Variants in ZNG1E observed in about 807,000 individuals in gnomAD.
The protein encoded by ZNG1E is Zn regulated GTPase metalloprotein activator 1E.
chr9:65,663,202 A>G, the ZNG1E span, among the ~76,000 whole-genome samples: 2 of 152,274 alleles, frequency 1.3e-5, no homozygotes, highest in African/African-American at 4.8e-5. Context: ...TCAACTGTTA[A>G]CTTTGCAGTT....
the ZNG1E span, chr9:65,691,127 G>T: frequency 4.0e-6 from 6 of 1,498,756 alleles, no homozygotes; most frequent in South Asian, 4.9e-5. Flanking sequence ...AGACTGGAGT[G>T]CATGGAGTGC....
At chr9:65,691,545 C>T in the ZNG1E span, among the ~76,000 whole-genome samples, 1 of 152,234 alleles carries the variant, frequency 6.6e-6, no homozygotes, top group Non-Finnish European at 1.5e-5. Context: ...CTCGATGTCA[C>T]TCAACTTCCA....
the ZNG1E span, among the ~76,000 whole-genome samples, chr9:65,675,119 C>A: frequency 1.3e-5 from 2 of 151,946 alleles, no homozygotes; most frequent in Non-Finnish European, 2.9e-5. Context: ...CAATCCAGAA[C>A]CAATTCATGA....
At chr9:65,722,703 T>G in the ZNG1E span, among the ~76,000 whole-genome samples, 163 of 130,262 alleles carry the variant, frequency 1.3e-3, no homozygotes, top group South Asian at 2.4e-3. Flanking sequence ...GCTAATTTTT[T>G]TTTTTTTTTT....
chr9:65,689,811 T>C, the ZNG1E span, among the ~76,000 whole-genome samples: 3 of 150,384 alleles, frequency 2.0e-5, no homozygotes, highest in Non-Finnish European at 3.0e-5. Flanking sequence ...CCCTCATTAA[T>C]TAAAATTATG....
the ZNG1E span, chr9:65,706,832 T>G: frequency 3.7e-4 from 55 of 147,836 alleles, no homozygotes; most frequent in East Asian, 2.2e-3. Flanking sequence ...ACTGTCATAG[T>G]GAAACAGTTT....
chr9:65,701,389 AACTTTAC>A, the ZNG1E span: 1 of 151,936 alleles, frequency 6.6e-6, no homozygotes, highest in East Asian at 1.9e-4. Flanking sequence ...AATGTCCTTA[AACTTTAC>A]TATAAAAAAA....
the ZNG1E span, among the ~76,000 whole-genome samples, chr9:65,665,095 A>G: frequency 6.6e-6 from 1 of 152,284 alleles, no homozygotes; most frequent in African/African-American, 2.4e-5. Flanking sequence ...CTAGAAAAGA[A>G]AATCCCATTT....
chr9:65,685,347 G>A, the ZNG1E span, among the ~76,000 whole-genome samples: 1 of 152,238 alleles, frequency 6.6e-6, no homozygotes, highest in Non-Finnish European at 1.5e-5. Flanking sequence ...CATAAAAGAT[G>A]TCTCTATAGC....
the ZNG1E span, among the ~76,000 whole-genome samples, chr9:65,659,030 G>A: frequency 6.6e-6 from 1 of 152,104 alleles, no homozygotes; most frequent in African/African-American, 2.4e-5. Flanking sequence ...GGAAAGTGGG[G>A]CAGGGGACAC....
chr9:65,677,837 A>G, the ZNG1E span, among the ~76,000 whole-genome samples: 1 of 151,876 alleles, frequency 6.6e-6, no homozygotes, highest in Non-Finnish European at 1.5e-5. Context: ...CCCTTGGAAT[A>G]GGTACTTTTT....
chr9:65,704,992 TA>T, the ZNG1E span: 1 of 146,764 alleles, frequency 6.8e-6, no homozygotes, highest in Non-Finnish European at 1.5e-5. Context: ...AGTTTTGTTT[TA>T]TTTTTTGTTT....
the ZNG1E span, among the ~76,000 whole-genome samples, chr9:65,660,851 ATAT>A: frequency 0.1 from 13,393 of 133,134 alleles, 6 homozygotes; most frequent in Non-Finnish European, 0.12. Context: ...ATATATATAT[ATAT>A]AAAATAAAAA....
the ZNG1E span, among the ~76,000 whole-genome samples, chr9:65,687,287 TG>T: frequency 5.4e-3 from 754 of 139,634 alleles, no homozygotes; most frequent in Non-Finnish European, 7.9e-3. Context: ...TTAATAGTTT[TG>T]GTGCTCATTA....
chr9:65,677,794 T>C, the ZNG1E span, among the ~76,000 whole-genome samples: 2 of 152,156 alleles, frequency 1.3e-5, no homozygotes, highest in East Asian at 3.9e-4. Context: ...CACAATAAAC[T>C]AAGGTTACTT....
the ZNG1E span, among the ~76,000 whole-genome samples, chr9:65,686,500 G>A: frequency 6.6e-6 from 1 of 152,186 alleles, no homozygotes; most frequent in Non-Finnish European, 1.5e-5. Context: ...GCCTGGCTTG[G>A]TGGTGGGAGC....
the ZNG1E span, among the ~76,000 whole-genome samples, chr9:65,685,253 G>A: frequency 2.0e-5 from 3 of 152,254 alleles, no homozygotes; most frequent in East Asian, 1.9e-4. Context: ...GACCAATCAG[G>A]GTAGTAGTTA....
chr9:65,708,400 T>A, the ZNG1E span: 5 of 162,040 alleles, frequency 3.1e-5, 1 homozygote, highest in South Asian at 1.5e-4. Context: ...CCATTCTGAA[T>A]GAATGAAATC....
the ZNG1E span, among the ~76,000 whole-genome samples, chr9:65,673,942 G>A: frequency 6.6e-6 from 1 of 152,300 alleles, no homozygotes; most frequent in Admixed American, 6.5e-5. Context: ...ATGCAGTGCT[G>A]AAGGGACATC....
Sources: gnomAD v4.1 joint callset for allele counts (sites outside exome capture counted in the v4.1 genomes callset) on GRCh38, gnomAD v4.1.1 for gene constraint, MANE v1.5 for transcripts, NCBI Gene and HGNC (gene_info 2026-07-23, HGNC 2026-07-21) for gene names.